The following RPS6KA1 variants were observed in gnomAD, a reference collection of about 807,000 sequenced individuals.
RPS6KA1 encodes the protein ribosomal protein S6 kinase A1.
A neutral mutation model predicts 91.3 loss-of-function variants in RPS6KA1; 48 were observed. The ratio of observed to expected loss-of-function variants is 0.53; its 90% CI spans 0.42 to 0.67. RPS6KA1 has a LOEUF of 0.67. RPS6KA1 is among the 30% of genes least tolerant of loss of function. The pLI is 0.00. For synonymous variants in RPS6KA1, 359 were observed against 384.7 expected, an observed-to-expected ratio of 0.93 and a Z score of 0.78; for missense variants, 719 against 960.5, an observed-to-expected ratio of 0.75 and a Z score of 3.32.
Position 26,558,953 on chromosome 1 carries a change from G to GGAT in RPS6KA1, c.1215+17_1215+18insATG, listed in dbSNP as rs1290320225. ...GGTGGTACAGGTGAGGGGGGCAGGG[G>GGAT]GCTGCTGCTCCATTATCCTTTTCTA... On this transcript the variant is annotated intron_variant, in intron 14 of 21. Coordinates refer to ENST00000374168, the MANE Select transcript of RPS6KA1 (RefSeq NM_002953.4). The surrounding 1 kb of genome is among the most constrained non-coding windows in gnomAD (Gnocchi z 4.0). 2 of 1,603,906 alleles carry GGAT rather than the reference G, an allele frequency of 1.2e-6. No individual in the cohort carries two copies. The highest frequency in any genetic ancestry group is 2.7e-5 in the African/African-American group (2 of 74,744).
chr1:26,571,946 C>A lies in RPS6KA1; in HGVS notation c.1829+21C>A. 1.2e-6 allele frequency: 2 copies of A among 1,604,430 alleles called. No homozygotes were observed. The highest frequency in any genetic ancestry group is 1.7e-6 in the Non-Finnish European group (2 of 1,174,442). On this transcript the variant is annotated intron_variant, in intron 19 of 21. Transcript: ENST00000374168. This position sits in a 1 kb window ranked among gnomAD's most constrained non-coding sequence, Gnocchi z 5.1. ...GCAGGGTGAGTGCCCCTGGCCTGGA[C>A]CCTTCCCCACTCCTGCAGCCCTAGC...
At chr1:26,538,076 T>C (rs2075919656) in intron 2 of RPS6KA1, among the ~76,000 whole-genome samples, 3 of 152,178 alleles carry the variant, frequency 2.0e-5, no homozygotes, top group Admixed American at 2.0e-4. Flanking sequence ...CTCAGCTTCC[T>C]AAGATGAGGT....
In RPS6KA1 at chr1:26,556,669, G is replaced by A. The variant is rs2076104276; in HGVS notation, c.932G>A (p.Gly311Glu). 1 of 1,614,192 alleles carries A rather than the reference G, an allele frequency of 6.2e-7. No homozygotes were observed. Among genetic ancestry groups the A allele is most frequent in the Non-Finnish European group, 8.5e-7 (1 of 1,180,022 alleles). Residue 311 changes from glycine (G) to glutamate (E), a missense_variant, in exon 12 of 22, where the codon GGG (glycine) becomes GAG (glutamate). By Grantham distance (98) the Gly-to-Glu change is moderately conservative. Transcript: ENST00000374168. ...GCTCTTTCAGGCTCCGGCCCTGATGGGGCAGAGGAAATCAAGCGGCATGTC... is the reference window on the plus strand; with the variant it reads ...GCTCTTTCAGGCTCCGGCCCTGATGAGGCAGAGGAAATCAAGCGGCATGTC... ...PANRLGSGPDGAEEIKRHVFY... is the reference protein window; with the variant it reads ...PANRLGSGPDEAEEIKRHVFY...
chr1:26,535,013 G>A (rs1490946614), intron 1 of RPS6KA1, among the ~76,000 whole-genome samples: 1 of 152,160 alleles, frequency 6.6e-6, no homozygotes, highest in African/African-American at 2.4e-5. Flanking sequence ...GTTTGGAGTG[G>A]GGAAGGCTGT....
Position 26,554,586 on chromosome 1 carries a change from C to T in RPS6KA1, c.614-10C>T, listed in dbSNP as rs1173366847. On this transcript the variant is annotated splice_polypyrimidine_tract_variant and intron_variant, in intron 8 of 21. Transcript: ENST00000374168. This position sits in a 1 kb window ranked among gnomAD's most constrained non-coding sequence, Gnocchi z 4.6. ...TCCTAAGGTGTGTCCTCCTGCCCTC[C>T]TTGCTGTAGACTTTGGCCTGAGCAA... 1 of 1,608,068 alleles carries T rather than the reference C, an allele frequency of 6.2e-7. No individual in the cohort carries two copies. Among genetic ancestry groups the T allele is most frequent in the African/African-American group, 1.3e-5 (1 of 74,904 alleles).
chr1:26,555,697 G>A lies in RPS6KA1; in HGVS notation c.916+72G>A. On this transcript the variant is annotated intron_variant, in intron 11 of 21. Coordinates refer to ENST00000374168, the MANE Select transcript of RPS6KA1 (RefSeq NM_002953.4). The surrounding 1 kb of genome is among the most constrained non-coding windows in gnomAD (Gnocchi z 4.3). ...GGTACAGCTGCAGCCTAGGCCACAG[G>A]GCCACATCTGGGCTGAAAGGGGCCG... 1 of 1,414,892 alleles carries A rather than the reference G, an allele frequency of 7.1e-7. No individual in the cohort carries two copies. Among genetic ancestry groups the A allele is most frequent in the Non-Finnish European group, 9.8e-7 (1 of 1,022,876 alleles). 87.6% of individuals were successfully genotyped at this position (1,414,892 alleles called of 1,614,324 possible).
In RPS6KA1 at chr1:26,547,526, GC is replaced by G; in HGVS notation, c.307+259del. 1 of 438,286 alleles carries G rather than the reference GC, an allele frequency of 2.3e-6. No individual in the cohort carries two copies. Among genetic ancestry groups the G allele is most frequent in the Non-Finnish European group, 4.3e-6 (1 of 235,140 alleles). 27.1% of individuals were successfully genotyped at this position (438,286 alleles called of 1,614,324 possible). A position where few individuals can be genotyped will look rare whatever the true frequency, so the allele number is the denominator to read the frequency against. On this transcript the variant is annotated intron_variant, in intron 4 of 21. Transcript: ENST00000374168. This position sits in a 1 kb window ranked among gnomAD's most constrained non-coding sequence, Gnocchi z 4.1. ...TGCAATGTGTTTGTCAGGGGGCGGG[GC>G]CCTCAACTACCAAGCTGGTCAAGCA...
Position 26,574,241 on chromosome 1 carries a change from AC to A in RPS6KA1, c.*41del. ...CGGGCCACAGGGCGGTGCTAGCTTG[AC>A]ACAGTCAGCATGCTTCCCAGAGGGA... On this transcript the variant is annotated 3_prime_UTR_variant, in exon 22 of 22. Coordinates refer to ENST00000374168, the MANE Select transcript of RPS6KA1 (RefSeq NM_002953.4). The surrounding 1 kb of genome is among the most constrained non-coding windows in gnomAD (Gnocchi z 4.3). 1.2e-6 allele frequency: 2 copies of A among 1,612,632 alleles called. No individual in the cohort carries two copies. The highest frequency in any genetic ancestry group is 1.7e-6 in the Non-Finnish European group (2 of 1,178,894).
Position 26,555,076 on chromosome 1 carries a change from G to C in RPS6KA1, c.757-75G>C. On this transcript the variant is annotated intron_variant, in intron 9 of 21. Coordinates refer to ENST00000374168, the MANE Select transcript of RPS6KA1 (RefSeq NM_002953.4). This position sits in a 1 kb window ranked among gnomAD's most constrained non-coding sequence, Gnocchi z 4.3. Reference sequence around the variant, plus strand: ...CAAGAATCCTGGGACTGGGGCAGAGGGGTCTGACTGGGAGGAGGCGGGAGG... The same window carrying C: ...CAAGAATCCTGGGACTGGGGCAGAGCGGTCTGACTGGGAGGAGGCGGGAGG... The C allele has an allele frequency of 1.5e-6, 2 of 1,348,822 alleles. No homozygotes were observed. The highest frequency in any genetic ancestry group is 2.1e-6 in the Non-Finnish European group (2 of 966,486). 83.6% of individuals were successfully genotyped at this position (1,348,822 alleles called of 1,614,324 possible).
At chr1:26,568,680 G>A (rs1283866656) in intron 17 of RPS6KA1, among the ~76,000 whole-genome samples, 1 of 152,036 alleles carries the variant, frequency 6.6e-6, no homozygotes, top group Non-Finnish European at 1.5e-5. Context: ...AGCCTGGGAG[G>A]CAGAGGTTGC....
Position 26,558,363 on chromosome 1 carries a change from G to A in RPS6KA1, c.1085-444G>A, listed in dbSNP as rs1315887075. Among the ~76,000 whole-genome samples the A allele has an allele frequency of 6.6e-6, 1 of 152,196 alleles. No individual in the cohort carries two copies. The highest frequency in any genetic ancestry group is 1.5e-5 in the Non-Finnish European group (1 of 68,038). On this transcript the variant is annotated intron_variant, in intron 13 of 21. Transcript: ENST00000374168. The surrounding 1 kb of genome is among the most constrained non-coding windows in gnomAD (Gnocchi z 4.0). ...GCTGTGGTATGGAGAGAGAGGAGGTGAGGATCACAGGGCCCTCAATTGCCA... is the reference window on the plus strand; with the variant it reads ...GCTGTGGTATGGAGAGAGAGGAGGTAAGGATCACAGGGCCCTCAATTGCCA...
chr1:26,546,717 G>C, intron 2 of RPS6KA1, 150 bp from the exon 3 acceptor site: 1 of 608,514 alleles, frequency 1.6e-6, no homozygotes, highest in Non-Finnish European at 2.9e-6. Flanking sequence ...TTTTGAAATC[G>C]ATGACCCTGG....
chr1:26,543,689 C>T (rs955427716), intron 2 of RPS6KA1, among the ~76,000 whole-genome samples: 1 of 152,182 alleles, frequency 6.6e-6, no homozygotes, highest in African/African-American at 2.4e-5. Context: ...GGACGTGGCT[C>T]TGGCTGATTG....
chr1:26,554,546 C>T lies in RPS6KA1; in HGVS notation c.614-50C>T. ...GGGTTGGGTGTGCAAAGGGTGGCAG[C>T]AAGGAAGGCAGGGGTCCTAAGGTGT... On this transcript the variant is annotated intron_variant, in intron 8 of 21. Coordinates refer to ENST00000374168, the MANE Select transcript of RPS6KA1 (RefSeq NM_002953.4). The surrounding 1 kb of genome is among the most constrained non-coding windows in gnomAD (Gnocchi z 4.6). 1 of 1,566,760 alleles carries T rather than the reference C, an allele frequency of 6.4e-7. No individual in the cohort carries two copies.
chr1:26,560,348 A>T (rs1007806294), intron 14 of RPS6KA1, among the ~76,000 whole-genome samples: 2 of 152,152 alleles, frequency 1.3e-5, no homozygotes, highest in African/African-American at 4.8e-5. Context: ...GAGGCAGGCC[A>T]CTCAAAGCCG....
At chr1:26,537,549 G>C (rs1051458182) in intron 2 of RPS6KA1, among the ~76,000 whole-genome samples, 1 of 152,196 alleles carries the variant, frequency 6.6e-6, no homozygotes, top group Admixed American at 6.5e-5. Context: ...TGCTGGTTTT[G>C]TGTTTTGCCA....
intron 17 of RPS6KA1, among the ~76,000 whole-genome samples, chr1:26,568,237 C>G (rs879749119): frequency 6.6e-6 from 1 of 152,178 alleles, no homozygotes; most frequent in Non-Finnish European, 1.5e-5. Flanking sequence ...ACTTGCCCAG[C>G]CTGTTGTGAT....
In RPS6KA1 at chr1:26,572,150, C is replaced by A. The variant is rs554960082; in HGVS notation, c.1830-26C>A. ...CCCAGTATGGAGGCCAGAGTCTGTACCCAGACCGTGCGGGCTTTTCTGCAG... is the reference window on the plus strand; with the variant it reads ...CCCAGTATGGAGGCCAGAGTCTGTAACCAGACCGTGCGGGCTTTTCTGCAG... On this transcript the variant is annotated intron_variant, in intron 19 of 21. Transcript: ENST00000374168. 5 of 1,583,128 alleles carry A rather than the reference C, an allele frequency of 3.2e-6. No homozygotes were observed. In the African/African-American group the frequency reaches 4.0e-5, roughly 13 times the overall value.
chr1:26,556,906 T>C, intron 12 of RPS6KA1, 92 bp from the exon 13 acceptor site: 1 of 1,207,750 alleles, frequency 8.3e-7, no homozygotes, highest in South Asian at 1.2e-5. Context: ...CAATATGGCC[T>C]ATGTTCCAAG....
Sources: allele counts gnomAD v4.1 joint callset (sites outside exome capture counted in the v4.1 genomes callset), GRCh38; gene constraint gnomAD v4.1.1; non-coding constraint Gnocchi (gnomAD v3.1); transcripts MANE v1.5; gene names NCBI Gene and HGNC (gene_info 2026-07-23, HGNC 2026-07-21).